The following LOXHD1 variants were observed in gnomAD, a reference collection of about 807,000 sequenced individuals.
LOXHD1 encodes lipoxygenase homology PLAT domains 1.
Under a neutral mutation model 248.2 loss-of-function variants are expected in LOXHD1, and 205 were observed. The ratio of observed to expected loss-of-function variants is 0.83; its 90% CI spans 0.74 to 0.93. LOXHD1 has a LOEUF of 0.93. Among genes scored for constraint, LOXHD1 ranks in the 40% least tolerant of loss-of-function variants. The probability of loss-of-function intolerance (pLI) is 0.00; values close to 1 mark genes in which losing one functional copy is unlikely to be tolerated. For synonymous variants in LOXHD1, 1,113 were observed against 1,162.8 expected, an observed-to-expected ratio of 0.96 and a Z score of 0.87; for missense variants, 2,930 against 2,971.6, an observed-to-expected ratio of 0.99 and a Z score of 0.33.
At chr18:46,566,092 G>T (rs2037634082) in intron 17 of LOXHD1, among the ~76,000 whole-genome samples, 165 bp downstream of exon 17, 1 of 152,126 alleles carries the variant, frequency 6.6e-6, no homozygotes, top group South Asian at 2.1e-4. Context: ...TTTCCTGCAA[G>T]AACCATAGTA....
intron 36 of LOXHD1, among the ~76,000 whole-genome samples, 196 bp downstream of exon 36, chr18:46,507,342 G>A (rs542735295): frequency 6.6e-6 from 1 of 152,330 alleles, no homozygotes; most frequent in South Asian, 2.1e-4. Flanking sequence ...CAAGGGAGGA[G>A]GGAGGGAACC....
intron 15 of LOXHD1, 124 bp from the exon 16 acceptor site, chr18:46,569,762 G>T: frequency 1.4e-6 from 1 of 727,908 alleles, no homozygotes; most frequent in Non-Finnish European, 2.2e-6. Flanking sequence ...GCTGGGAATT[G>T]AAAATCCAGG....
intron 23 of LOXHD1, 56 bp from the exon 24 acceptor site, chr18:46,542,911 G>C: frequency 6.5e-7 from 1 of 1,549,918 alleles, no homozygotes; most frequent in South Asian, 1.2e-5. Flanking sequence ...TTCAAGCCTA[G>C]TCAGACCCAA....
At chr18:46,488,862 C>T (rs1368263827) in intron 38 of LOXHD1, 110 bp downstream of exon 38, 1 of 1,180,116 alleles carries the variant, frequency 8.5e-7, no homozygotes, top group Non-Finnish European at 1.2e-6. Context: ...TGCATATCTC[C>T]ATATTATTCC....
chr18:46,493,115 T>C (rs2033601378), intron 37 of LOXHD1, among the ~76,000 whole-genome samples: 1 of 152,238 alleles, frequency 6.6e-6, no homozygotes, highest in African/African-American at 2.4e-5. Context: ...TCACTTACTC[T>C]GTTCCAACTA....
intron 4 of LOXHD1, among the ~76,000 whole-genome samples, chr18:46,630,874 CAG>C (rs1193911627): frequency 6.6e-6 from 1 of 152,162 alleles, no homozygotes; most frequent in Admixed American, 6.5e-5. Context: ...ACAGGGACCT[CAG>C]AGAACATCTC....
At chr18:46,621,229 C>T (rs2038664426) in intron 4 of LOXHD1, among the ~76,000 whole-genome samples, 2 of 152,182 alleles carry the variant, frequency 1.3e-5, no homozygotes, top group Admixed American at 1.3e-4. Context: ...GACTGCCAAT[C>T]ACATTGAGAA....
intron 26 of LOXHD1, among the ~76,000 whole-genome samples, chr18:46,536,795 A>G (rs7236631): frequency 0.14 from 20,912 of 152,214 alleles, 1,549 homozygotes; most frequent in South Asian, 0.23. Flanking sequence ...AGAGCAAGGC[A>G]TCCCCCGGGA....
intron 6 of LOXHD1, among the ~76,000 whole-genome samples, chr18:46,609,186 C>T (rs2038468015): frequency 6.6e-6 from 1 of 152,164 alleles, no homozygotes; most frequent in African/African-American, 2.4e-5. Flanking sequence ...CTATCATGTG[C>T]TCATGAGGCA....
rs145174683 is a variant in LOXHD1 at position 46,627,306 on chromosome 18, C to A, written c.512-9016G>T. Among the ~76,000 whole-genome samples, 395 of 152,260 alleles carry A rather than the reference C, an allele frequency of 2.6e-3. 3 individuals are homozygous for A. The highest frequency in any genetic ancestry group is 8.8e-3 in the African/African-American group (365 of 41,552). On this transcript the variant is annotated intron_variant, in intron 4 of 40. Transcript: ENST00000642948. ...ACAAGGGCCACCAGCAGAGACCCAGCCCCAGGCAGGTGGGAACACTTTCTC... is the reference window on the plus strand; with the variant it reads ...ACAAGGGCCACCAGCAGAGACCCAGACCCAGGCAGGTGGGAACACTTTCTC...
At chr18:46,573,585 G>A (rs2037797945) in intron 14 of LOXHD1, among the ~76,000 whole-genome samples, 1 of 152,200 alleles carries the variant, frequency 6.6e-6, no homozygotes. Context: ...TACAGAGCCT[G>A]TAAAAGAAGC....
chr18:46,531,912 C>T (rs1302710506), intron 28 of LOXHD1, among the ~76,000 whole-genome samples: 2 of 152,180 alleles, frequency 1.3e-5, no homozygotes, highest in Admixed American at 6.5e-5. Context: ...AGGGGAGTCA[C>T]ACTATTGAGG....
chr18:46,537,992 G>T (rs1035441351), intron 26 of LOXHD1, among the ~76,000 whole-genome samples, 164 bp downstream of exon 26: 1 of 152,200 alleles, frequency 6.6e-6, no homozygotes, highest in Admixed American at 6.5e-5. Flanking sequence ...TCCCCTGGTT[G>T]CTTGGATGTA....
intron 4 of LOXHD1, among the ~76,000 whole-genome samples, chr18:46,624,260 G>A (rs1278864874): frequency 1.3e-5 from 2 of 152,222 alleles, no homozygotes; most frequent in Admixed American, 6.5e-5. Context: ...GACGCTAGAA[G>A]TGAGATATCA....
chr18:46,643,215 A>G (rs534308973), intron 2 of LOXHD1, among the ~76,000 whole-genome samples: 2 of 152,158 alleles, frequency 1.3e-5, no homozygotes, highest in Admixed American at 1.3e-4. Flanking sequence ...GGGAAAAGAG[A>G]CCCCCACAGG....
chr18:46,596,581 G>GA (rs1342375064), intron 8 of LOXHD1, among the ~76,000 whole-genome samples: 14 of 152,162 alleles, frequency 9.2e-5, no homozygotes, highest in Admixed American at 9.2e-4. Flanking sequence ...GGTAGACAGG[G>GA]AAAAATCTGC....
At chr18:46,525,247 G>C (rs1023013462) in intron 29 of LOXHD1, among the ~76,000 whole-genome samples, 1 of 152,252 alleles carries the variant, frequency 6.6e-6, no homozygotes, top group Non-Finnish European at 1.5e-5. Context: ...GGCAGAGACA[G>C]AGGAGGGGTG....
intron 20 of LOXHD1, 45 bp from the exon 21 acceptor site, chr18:46,557,534 C>A (rs369468080): frequency 4.5e-6 from 7 of 1,549,960 alleles, no homozygotes; most frequent in Non-Finnish European, 6.1e-6. Flanking sequence ...ACCTACCCCT[C>A]CCCACATGGC....
chr18:46,604,630 G>A (rs1206670234), intron 6 of LOXHD1, among the ~76,000 whole-genome samples: 1 of 152,206 alleles, frequency 6.6e-6, no homozygotes, highest in Non-Finnish European at 1.5e-5. Flanking sequence ...TTGGTGAGAA[G>A]CAGAGCCCAG....
Sources: allele counts gnomAD v4.1 joint callset (sites outside exome capture counted in the v4.1 genomes callset), GRCh38; gene constraint gnomAD v4.1.1; transcripts MANE v1.5; gene names NCBI Gene and HGNC (gene_info 2026-07-23, HGNC 2026-07-21).